The following LRIF1 variants were observed in gnomAD, a reference collection of about 807,000 sequenced individuals.
The protein encoded by LRIF1 is ligand dependent nuclear receptor interacting factor 1.
A neutral mutation model predicts 52.7 loss-of-function variants in LRIF1; 32 were observed. The observed-to-expected ratio is 0.61, with a 90% CI of 0.46 to 0.82. The LOEUF is 0.82. LRIF1 is among the 40% of genes least tolerant of loss of function. LRIF1 has a pLI of 0.00. For missense variants in LRIF1, 887 were observed against 892.0 expected (o/e 0.99, Z 0.07); for synonymous variants, 323 against 317.4 (o/e 1.02, Z -0.19).
At chr1:110,921,884 T>A in the LRIF1 span, among the ~76,000 whole-genome samples, 1 of 152,194 alleles carries the variant, frequency 6.6e-6, no homozygotes, top group Admixed American at 6.5e-5. Context: ...TACAAACTTG[T>A]GTTATGAGGG....
chr1:110,903,014 T>C, the LRIF1 span, among the ~76,000 whole-genome samples: 1,644 of 152,278 alleles, frequency 0.011, 33 homozygotes, highest in African/African-American at 0.038. Flanking sequence ...ACCATCCCGT[T>C]AGAGCAGAAA....
the LRIF1 span, among the ~76,000 whole-genome samples, chr1:110,921,634 A>G: frequency 6.6e-6 from 1 of 152,222 alleles, no homozygotes; most frequent in Non-Finnish European, 1.5e-5. Context: ...GTCAAATTAT[A>G]TAGTCTCAAA....
the LRIF1 span, among the ~76,000 whole-genome samples, chr1:110,906,481 C>G: frequency 6.6e-6 from 1 of 152,108 alleles, no homozygotes; most frequent in African/African-American, 2.4e-5. Context: ...AAGTTCAAGG[C>G]TGCAGTGAGC....
chr1:110,956,432 G>A (rs1031138943), intron 1 of LRIF1, among the ~76,000 whole-genome samples: 1 of 152,140 alleles, frequency 6.6e-6, no homozygotes, highest in African/African-American at 2.4e-5. Context: ...AGTCTAAACT[G>A]GATAGGAAGA....
chr1:110,959,882 GTT>G (rs2101122748), intron 1 of LRIF1, among the ~76,000 whole-genome samples: 1 of 151,782 alleles, frequency 6.6e-6, no homozygotes, highest in Non-Finnish European at 1.5e-5. Context: ...TAATAAAAAT[GTT>G]GAAGGCTGAT....
At chr1:110,883,494 ATTGGCCCGTGG>A in the LRIF1 span, among the ~76,000 whole-genome samples, 3 of 151,946 alleles carry the variant, frequency 2.0e-5, no homozygotes, top group Non-Finnish European at 4.4e-5. Context: ...TCTGAGGAAC[ATTGGCCCGTGG>A]TTTTATTTCT....
At chr1:110,911,717 A>T in the LRIF1 span, among the ~76,000 whole-genome samples, 1 of 152,052 alleles carries the variant, frequency 6.6e-6, no homozygotes, top group African/African-American at 2.4e-5. Flanking sequence ...GAATCAGTAA[A>T]TGTGATTCGT....
At chr1:110,889,203 A>G in the LRIF1 span, among the ~76,000 whole-genome samples, 1 of 152,154 alleles carries the variant, frequency 6.6e-6, no homozygotes, top group African/African-American at 2.4e-5. Flanking sequence ...TGATACTGAT[A>G]AAGGGCTGGG....
the LRIF1 span, chr1:110,897,829 A>G: frequency 3.1e-6 from 5 of 1,610,634 alleles, no homozygotes; most frequent in African/African-American, 6.7e-5. Context: ...CGAAAGCAAG[A>G]CTGTGGTTTC....
In LRIF1 at chr1:110,947,278, C is replaced by CCAAAA. The variant is rs1553209621; in HGVS notation, c.*680_*681insTTTTG. On this transcript the variant is annotated 3_prime_UTR_variant, in exon 4 of 4. Transcript: ENST00000369763. ...TCTCAGTAACGTATGTACATAGTCC[C>CCAAAA]AAAAAAAAAAAAAGCAGCATTTGCC... 7.2e-6 allele frequency: 1 copy of CCAAAA among 138,720 alleles called. No homozygotes were observed. Among genetic ancestry groups the CCAAAA allele is most frequent in the Non-Finnish European group, 1.6e-5 (1 of 63,050 alleles). 8.6% of individuals were successfully genotyped at this position (138,720 alleles called of 1,614,324 possible).
At chr1:110,896,827 T>A in the LRIF1 span, 1 of 1,051,630 alleles carries the variant, frequency 9.5e-7, no homozygotes, top group Non-Finnish European at 1.4e-6. Flanking sequence ...AGACCTTCTA[T>A]TGAGAAACAG....
chr1:110,899,024 T>C, the LRIF1 span: 1 of 817,984 alleles, frequency 1.2e-6, no homozygotes, highest in East Asian at 2.6e-5. Flanking sequence ...GTGGTTTCAG[T>C]GTAATGGATA....
chr1:110,911,315 A>G, the LRIF1 span, among the ~76,000 whole-genome samples: 27 of 152,294 alleles, frequency 1.8e-4, no homozygotes, highest in African/African-American at 5.3e-4. Context: ...GAAATCCTGA[A>G]CAGATCAATT....
At chr1:110,885,939 T>C in the LRIF1 span, among the ~76,000 whole-genome samples, 2 of 152,188 alleles carry the variant, frequency 1.3e-5, no homozygotes, top group African/African-American at 2.4e-5. Flanking sequence ...ATTCCTGTAG[T>C]CACCATTTCT....
At chr1:110,903,694 T>C in the LRIF1 span, among the ~76,000 whole-genome samples, 2 of 152,298 alleles carry the variant, frequency 1.3e-5, no homozygotes, top group Admixed American at 1.3e-4. Context: ...ATTCAGCACA[T>C]GGCTAGCTGT....
chr1:110,889,353 G>A, the LRIF1 span, among the ~76,000 whole-genome samples: 50 of 151,846 alleles, frequency 3.3e-4, no homozygotes, highest in Middle Eastern at 3.4e-3. Flanking sequence ...TCAGGAGTTC[G>A]AGATCAGCCT....
the LRIF1 span, among the ~76,000 whole-genome samples, chr1:110,887,248 T>C: frequency 1.3e-5 from 2 of 152,024 alleles, no homozygotes; most frequent in African/African-American, 4.8e-5. Context: ...TATTTTTTAG[T>C]AGAGACGGGG....
chr1:110,912,278 C>T, the LRIF1 span, among the ~76,000 whole-genome samples: 1 of 151,978 alleles, frequency 6.6e-6, no homozygotes, highest in Non-Finnish European at 1.5e-5. Flanking sequence ...GTGGCATGAT[C>T]TTGGCTCACT....
At chr1:110,876,278 T>C in the LRIF1 span, among the ~76,000 whole-genome samples, 8 of 152,218 alleles carry the variant, frequency 5.3e-5, no homozygotes, top group African/African-American at 1.9e-4. Flanking sequence ...TATGGCATGC[T>C]CTTTCTTCTA....
Sources: gnomAD v4.1 joint callset for allele counts (sites outside exome capture counted in the v4.1 genomes callset) on GRCh38, gnomAD v4.1.1 for gene constraint, MANE v1.5 for transcripts, NCBI Gene and HGNC (gene_info 2026-07-23, HGNC 2026-07-21) for gene names.